The following NEDD4L variants were observed in gnomAD, a reference collection of about 807,000 sequenced individuals.
NEDD4L encodes NEDD4 like E3 ubiquitin protein ligase.
Under a neutral mutation model 148.9 loss-of-function variants are expected in NEDD4L, and 54 were observed. That is an observed-to-expected ratio of 0.36 (90% CI 0.29 to 0.45). The LOEUF is 0.45. Ranked by LOEUF, NEDD4L falls within the 20% of genes least tolerant of loss-of-function variation. The pLI is 1.00. For missense variants in NEDD4L, 856 were observed against 1,233.8 expected (o/e 0.69, Z 4.59); for synonymous variants, 433 against 440.7 (o/e 0.98, Z 0.22).
At chr18:58,308,261 A>G (rs912920484) in intron 5 of NEDD4L, among the ~76,000 whole-genome samples, 1 of 152,226 alleles carries the variant, frequency 6.6e-6, no homozygotes, top group African/African-American at 2.4e-5. Context: ...TATTCAGCAG[A>G]TACATTTAGC....
intron 1 of NEDD4L, among the ~76,000 whole-genome samples, chr18:58,140,541 G>A (rs1204239498): frequency 6.6e-6 from 1 of 150,470 alleles, no homozygotes; most frequent in South Asian, 2.1e-4. Context: ...GAAATACATA[G>A]TGTGTCCCCT....
At chr18:58,394,827 C>A (rs1007363525) in intron 30 of NEDD4L, among the ~76,000 whole-genome samples, 6 of 152,194 alleles carry the variant, frequency 3.9e-5, no homozygotes, top group African/African-American at 1.4e-4. Context: ...GCTGCCAAAG[C>A]GAGCACGTGA....
chr18:58,165,290 A>G (rs2036706232), intron 1 of NEDD4L, among the ~76,000 whole-genome samples: 2 of 152,242 alleles, frequency 1.3e-5, no homozygotes. Flanking sequence ...TTTTACTGGA[A>G]CTAAGGAATT....
intron 5 of NEDD4L, among the ~76,000 whole-genome samples, chr18:58,286,565 T>C (rs1244363686): frequency 6.6e-6 from 1 of 152,200 alleles, no homozygotes; most frequent in African/African-American, 2.4e-5. Context: ...GTCTGCACTC[T>C]TTATCATGTT....
intron 2 of NEDD4L, chr18:58,195,624 G>C: frequency 7.4e-7 from 1 of 1,348,930 alleles, no homozygotes; most frequent in Non-Finnish European, 9.8e-7. Context: ...CGGAGACCAG[G>C]ATTTCTCCTC....
Position 58,380,772 on chromosome 18 carries a change from G to T in NEDD4L, c.2353-2474G>T, listed in dbSNP as rs138020539. 9.2e-5 allele frequency among the ~76,000 whole-genome samples: 14 copies of T among 152,098 alleles called. No individual in the cohort carries two copies. The East Asian group carries it at 2.7e-3, about 29-fold the overall frequency. On this transcript the variant is annotated intron_variant, in intron 24 of 30. Coordinates refer to ENST00000400345, the MANE Select transcript of NEDD4L (RefSeq NM_001144967.3). Reference sequence around the variant, plus strand: ...CGGTGTGTGATGTTCCCCTCCCTGTGTCCATGAGTTCTCATCGTTTAACTC... The same window carrying T: ...CGGTGTGTGATGTTCCCCTCCCTGTTTCCATGAGTTCTCATCGTTTAACTC...
At chr18:58,354,082 C>T (rs940013484) in intron 18 of NEDD4L, among the ~76,000 whole-genome samples, 2 of 152,208 alleles carry the variant, frequency 1.3e-5, no homozygotes, top group African/African-American at 4.8e-5. Flanking sequence ...CCTCTTTAGA[C>T]TCCTCGATTC....
At chr18:58,070,623 T>G (rs1040474964) in intron 1 of NEDD4L, among the ~76,000 whole-genome samples, 1 of 152,140 alleles carries the variant, frequency 6.6e-6, no homozygotes, top group African/African-American at 2.4e-5. Context: ...TGAGGCTTTA[T>G]GCAAGCCTCA....
chr18:58,374,431 TCTC>T (rs1246409995), intron 24 of NEDD4L, among the ~76,000 whole-genome samples: 1 of 151,972 alleles, frequency 6.6e-6, no homozygotes, highest in Non-Finnish European at 1.5e-5. Context: ...CCTTTAAAAA[TCTC>T]CTTTTGTGCC....
In NEDD4L at chr18:58,276,694, A is replaced by T. The variant is rs184566112; in HGVS notation, c.297+24640A>T. 6.9e-3 allele frequency among the ~76,000 whole-genome samples: 678 copies of T among 97,826 alleles called. 2 individuals carry two copies. Among genetic ancestry groups the T allele is most frequent in the East Asian group, 0.023 (108 of 4,686 alleles). The allele number at this position is 97,826 out of a possible 152,430, so 64.2% of individuals were successfully genotyped here. A position where few individuals can be genotyped will look rare whatever the true frequency, so the allele number is the denominator to read the frequency against. ...GTGGTCAGCTATAATAATAATAATAATATTATTATTATTATTATTAATAAA... is the reference window on the plus strand; with the variant it reads ...GTGGTCAGCTATAATAATAATAATATTATTATTATTATTATTATTAATAAA... On this transcript the variant is annotated intron_variant, in intron 5 of 30. Coordinates refer to ENST00000400345, the MANE Select transcript of NEDD4L (RefSeq NM_001144967.3).
intron 5 of NEDD4L, chr18:58,255,777 C>A: frequency 8.1e-7 from 1 of 1,232,666 alleles, no homozygotes; most frequent in Non-Finnish European, 1.0e-6. Flanking sequence ...AGCCCGCACC[C>A]CTTCGCCCAG....
chr18:58,215,202 T>C (rs1449048517), intron 2 of NEDD4L, among the ~76,000 whole-genome samples: 2 of 152,228 alleles, frequency 1.3e-5, no homozygotes, highest in African/African-American at 2.4e-5. Flanking sequence ...ACATTTACAA[T>C]GTTCATAGAC....
intron 1 of NEDD4L, among the ~76,000 whole-genome samples, chr18:58,068,966 G>A (rs1010628598): frequency 4.6e-5 from 7 of 151,952 alleles, no homozygotes; most frequent in Non-Finnish European, 7.4e-5. Context: ...GCAAAACCCC[G>A]TCTCTACTAA....
At chr18:58,147,866 C>T (rs1377422069) in intron 1 of NEDD4L, among the ~76,000 whole-genome samples, 2 of 152,158 alleles carry the variant, frequency 1.3e-5, no homozygotes, top group African/African-American at 4.8e-5. Context: ...CTCATCCATT[C>T]TTCCAGGGCA....
At chr18:58,054,802 A>G (rs936078340) in intron 1 of NEDD4L, 3 of 152,200 alleles carry the variant, frequency 2.0e-5, no homozygotes, top group Admixed American at 6.5e-5. Flanking sequence ...GGATTGAACT[A>G]CATCTACAGG....
chr18:58,131,552 C>A (rs1385926903), intron 1 of NEDD4L, among the ~76,000 whole-genome samples: 1 of 135,682 alleles, frequency 7.4e-6, no homozygotes, highest in Non-Finnish European at 1.6e-5. Flanking sequence ...AGAACTGTGG[C>A]GGTTTTGGGC....
intron 3 of NEDD4L, among the ~76,000 whole-genome samples, 163 bp from the exon 4 acceptor site, chr18:58,248,736 C>T (rs1042914260): frequency 1.3e-5 from 2 of 152,118 alleles, no homozygotes; most frequent in Admixed American, 6.6e-5. Context: ...CATTCCCTCC[C>T]CCTCCAGTTT....
intron 11 of NEDD4L, among the ~76,000 whole-genome samples, chr18:58,332,398 A>G (rs2041108454): frequency 6.6e-6 from 1 of 152,214 alleles, no homozygotes; most frequent in Non-Finnish European, 1.5e-5. Context: ...TTATAATCCC[A>G]GCACTTTGAG....
At chr18:58,105,399 G>A (rs2085011639) in intron 1 of NEDD4L, among the ~76,000 whole-genome samples, 1 of 152,170 alleles carries the variant, frequency 6.6e-6, no homozygotes, top group Admixed American at 6.5e-5. Flanking sequence ...CCAGAGACTT[G>A]GGAGGGTAGG....
Sources: gnomAD v4.1 joint callset for allele counts (sites outside exome capture counted in the v4.1 genomes callset) on GRCh38, gnomAD v4.1.1 for gene constraint, MANE v1.5 for transcripts, NCBI Gene and HGNC (gene_info 2026-07-23, HGNC 2026-07-21) for gene names.